GPHN: variants seen among roughly 807,000 people sequenced by gnomAD.
GPHN encodes gephyrin.
A neutral mutation model predicts 95.5 loss-of-function variants in GPHN; 17 were observed. The observed-to-expected ratio is 0.18, with a 90% CI of 0.12 to 0.27. The LOEUF is 0.27. Ranked by LOEUF, GPHN falls within the 10% of genes least tolerant of loss-of-function variation. GPHN has a pLI of 1.00. For missense variants in GPHN, 660 were observed against 978.1 expected, an observed-to-expected ratio of 0.67 and a Z score of 4.34; for synonymous variants, 320 against 322.5, an observed-to-expected ratio of 0.99 and a Z score of 0.08.
the GPHN span, chr14:67,733,778 C>T: frequency 6.2e-7 from 1 of 1,613,440 alleles, no homozygotes; most frequent in South Asian, 1.1e-5. Flanking sequence ...TCTCCAAGGG[C>T]CCGAAATAAC....
chr14:67,426,541 C>T, the GPHN span, among the ~76,000 whole-genome samples: 8 of 152,192 alleles, frequency 5.3e-5, no homozygotes, highest in Admixed American at 2.0e-4. Flanking sequence ...CTGCCGGGTT[C>T]GGGGGACAGT....
intron 1 of GPHN, among the ~76,000 whole-genome samples, chr14:66,663,622 C>G (rs1432390408): frequency 1.3e-5 from 2 of 152,218 alleles, no homozygotes; most frequent in Admixed American, 1.3e-4. Context: ...AGGATCAAAT[C>G]TGCACATAAC....
At chr14:67,203,819 C>T in the GPHN span, among the ~76,000 whole-genome samples, 5 of 152,208 alleles carry the variant, frequency 3.3e-5, no homozygotes, top group Non-Finnish European at 7.3e-5. Flanking sequence ...TCAAGCGATT[C>T]TCCTGTCTCA....
At chr14:67,166,457 T>C (rs1326179077) in intron 20 of GPHN, among the ~76,000 whole-genome samples, 1 of 152,222 alleles carries the variant, frequency 6.6e-6, no homozygotes, top group African/African-American at 2.4e-5. Context: ...TTCACCATTA[T>C]GCCAAAGATG....
the GPHN span, among the ~76,000 whole-genome samples, chr14:67,202,187 T>A: frequency 1.3e-5 from 2 of 152,218 alleles, no homozygotes; most frequent in African/African-American, 4.8e-5. Context: ...ACGCCTGTAA[T>A]CCCAGCACTT....
the GPHN span, among the ~76,000 whole-genome samples, chr14:67,356,758 ACT>A: frequency 6.6e-6 from 1 of 152,052 alleles, no homozygotes; most frequent in Non-Finnish European, 1.5e-5. Flanking sequence ...TCACTGGCTG[ACT>A]CTGCACTGAC....
intron 11 of GPHN, among the ~76,000 whole-genome samples, chr14:67,072,654 G>A (rs2076354093): frequency 6.6e-6 from 1 of 152,106 alleles, no homozygotes; most frequent in Non-Finnish European, 1.5e-5. Context: ...GTATAAGAAT[G>A]TAACTTAGTT....
the GPHN span, among the ~76,000 whole-genome samples, chr14:67,234,894 G>A: frequency 6.7e-6 from 1 of 150,090 alleles, no homozygotes; most frequent in Non-Finnish European, 1.5e-5. Flanking sequence ...GGTGGCTCAT[G>A]CCTGTAATCC....
At chr14:66,759,903 A>G (rs1159405585) in intron 2 of GPHN, among the ~76,000 whole-genome samples, 2 of 152,204 alleles carry the variant, frequency 1.3e-5, no homozygotes. Flanking sequence ...AAACTTCTGA[A>G]TTATAGTTTT....
the GPHN span, chr14:67,467,176 T>C: frequency 6.6e-6 from 1 of 152,180 alleles, no homozygotes; most frequent in Non-Finnish European, 1.5e-5. Flanking sequence ...TGTAATGTTA[T>C]GGGCTTCCCT....
At chr14:67,283,597 G>A in the GPHN span, among the ~76,000 whole-genome samples, 8 of 152,148 alleles carry the variant, frequency 5.3e-5, no homozygotes, top group African/African-American at 1.9e-4. Context: ...TTCCTTCAGG[G>A]AATTTTTTTT....
the GPHN span, among the ~76,000 whole-genome samples, chr14:67,288,856 C>T: frequency 6.6e-6 from 1 of 151,630 alleles, no homozygotes; most frequent in African/African-American, 2.4e-5. Flanking sequence ...ACGGTTTTGA[C>T]TTTTAAATTT....
At chr14:67,193,218 A>C in the GPHN span, among the ~76,000 whole-genome samples, 2 of 132,564 alleles carry the variant, frequency 1.5e-5, no homozygotes, top group Non-Finnish European at 3.3e-5. Context: ...ATAGACATCT[A>C]TCTATATATC....
the GPHN span, among the ~76,000 whole-genome samples, chr14:67,676,390 C>G: frequency 6.6e-6 from 1 of 152,138 alleles, no homozygotes; most frequent in Non-Finnish European, 1.5e-5. Context: ...CAGCACAATG[C>G]TGGGACTTGT....
the GPHN span, among the ~76,000 whole-genome samples, chr14:67,263,651 T>C: frequency 6.6e-6 from 1 of 152,218 alleles, no homozygotes; most frequent in East Asian, 1.9e-4. Flanking sequence ...CTCTACCACT[T>C]AGATTTCTGA....
the GPHN span, among the ~76,000 whole-genome samples, chr14:67,298,248 A>G: frequency 1.3e-5 from 2 of 152,212 alleles, no homozygotes; most frequent in Non-Finnish European, 2.9e-5. Flanking sequence ...TTAGTAATTT[A>G]TTAGTATCAA....
chr14:66,902,525 G>A (rs368577495), intron 5 of GPHN, among the ~76,000 whole-genome samples: 1 of 151,968 alleles, frequency 6.6e-6, no homozygotes, highest in Admixed American at 6.6e-5. Flanking sequence ...TCTTTATTAT[G>A]TTGAGGTATG....
chr14:67,440,558 C>G, the GPHN span, among the ~76,000 whole-genome samples: 1 of 152,132 alleles, frequency 6.6e-6, no homozygotes, highest in Non-Finnish European at 1.5e-5. Flanking sequence ...TTGAGACCAG[C>G]CTGGCCAACA....
intron 13 of GPHN, among the ~76,000 whole-genome samples, chr14:67,108,063 A>G (rs887263853): frequency 6.6e-6 from 1 of 152,198 alleles, no homozygotes; most frequent in Non-Finnish European, 1.5e-5. Flanking sequence ...ACTATCTCCA[A>G]TGTCTGGATG....
Sources: allele counts gnomAD v4.1 joint callset (sites outside exome capture counted in the v4.1 genomes callset), GRCh38; gene constraint gnomAD v4.1.1; transcripts MANE v1.5; gene names NCBI Gene and HGNC (gene_info 2026-07-23, HGNC 2026-07-21).